Variants in MEF2C observed in about 807,000 individuals in gnomAD.
MEF2C encodes the protein myocyte-specific enhancer factor 2C.
In MEF2C, 6 loss-of-function variants were observed where a neutral mutation model predicts 50.5. The ratio of observed to expected loss-of-function variants is 0.12; its 90% CI spans 0.07 to 0.23. The LOEUF (loss-of-function observed/expected upper bound fraction) is 0.23, where lower values mean the gene tolerates loss of function less well. Ranked by LOEUF, MEF2C falls within the 10% of genes least tolerant of loss-of-function variation. MEF2C has a pLI of 1.00. For synonymous variants in MEF2C, 183 were observed against 228.0 expected, an observed-to-expected ratio of 0.80 and a Z score of 1.78; for missense variants, 276 against 605.0, an observed-to-expected ratio of 0.46 and a Z score of 5.70.
chr5:88,889,024 T>C (rs548489865), intron 1 of MEF2C: 9 of 152,342 alleles, frequency 5.9e-5, no homozygotes, highest in African/African-American at 1.7e-4. Context: ...ACTATGTGTG[T>C]GCTTTTTCAT....
intron 1 of MEF2C, among the ~76,000 whole-genome samples, chr5:88,879,380 TATTA>T (rs937928144): frequency 1.3e-4 from 13 of 103,506 alleles, no homozygotes; most frequent in Admixed American, 7.7e-4. Context: ...GAAATATATA[TATTA>T]TATATATATA....
chr5:88,862,262 T>C lies in MEF2C; in HGVS notation c.-143+20693A>G, dbSNP rs77741179. The stretch of plus-strand genomic sequence containing the variant: ...TTCTATAGAATTTGTGGAACTAGTA[T>C]TTTTATTTTCCTGTCATGTCTTGCC... On this transcript the variant is annotated intron_variant, in intron 1 of 10. Coordinates refer to ENST00000504921, the MANE Select transcript of MEF2C (RefSeq NM_002397.5). 3.0e-3 allele frequency among the ~76,000 whole-genome samples: 454 copies of C among 152,320 alleles called. 15 individuals carry two copies. In the East Asian group the frequency reaches 0.083, roughly 28 times the overall value.
intron 6 of MEF2C, chr5:88,736,563 C>T: frequency 1.1e-6 from 1 of 937,952 alleles, no homozygotes. Flanking sequence ...CCTCTGGTCT[C>T]TACTTGAGGG....
intron 3 of MEF2C, among the ~76,000 whole-genome samples, chr5:88,778,523 AAATGTATGCTTTTATGGAG>A (rs1786060397): frequency 6.6e-6 from 1 of 152,142 alleles, no homozygotes; most frequent in African/African-American, 2.4e-5. Context: ...GAAAAGAGAA[AAATGTATGCTTTTATGGAG>A]AAACTATTGT....
chr5:88,859,431 AGGCTTTTTATT>A (rs1163451588), intron 1 of MEF2C, among the ~76,000 whole-genome samples: 2 of 152,244 alleles, frequency 1.3e-5, no homozygotes, highest in African/African-American at 4.8e-5. Context: ...AGCACAGATT[AGGCTTTTTATT>A]TCCTGTGTTA....
At chr5:88,738,178 G>C (rs568783213) in intron 6 of MEF2C, 241 of 985,128 alleles carry the variant, frequency 2.4e-4, no homozygotes, top group Non-Finnish European at 2.8e-4. Flanking sequence ...TTTCTCAATA[G>C]AAGTATTTCC....
At chr5:88,739,207 A>G in intron 6 of MEF2C, 1 of 978,430 alleles carries the variant, frequency 1.0e-6, no homozygotes, top group Non-Finnish European at 1.2e-6. Flanking sequence ...TTTGTTTAGT[A>G]ATTTGTTAAT....
intron 3 of MEF2C, among the ~76,000 whole-genome samples, chr5:88,781,150 CA>C (rs1339172904): frequency 6.6e-6 from 1 of 152,066 alleles, no homozygotes; most frequent in Non-Finnish European, 1.5e-5. Flanking sequence ...AGAATTTCAT[CA>C]CGTTATTACA....
intron 6 of MEF2C, chr5:88,739,418 GCTCA>G (rs752324104): frequency 7.1e-5 from 68 of 958,650 alleles, no homozygotes; most frequent in South Asian, 1.4e-4. Context: ...ACATAATAAT[GCTCA>G]CTATCATCAA....
intron 1 of MEF2C, among the ~76,000 whole-genome samples, chr5:88,853,746 C>T (rs1822247655): frequency 6.6e-6 from 1 of 152,188 alleles, no homozygotes. Flanking sequence ...TTCCAATGTA[C>T]TTGAATCTTC....
intron 7 of MEF2C, chr5:88,731,462 C>T (rs1761559450): frequency 3.0e-6 from 1 of 331,662 alleles, no homozygotes; most frequent in Non-Finnish European, 5.6e-6. Flanking sequence ...AAATTGAAAG[C>T]CTTAAAAGAA....
intron 3 of MEF2C, among the ~76,000 whole-genome samples, chr5:88,795,612 C>G (rs1406997432): frequency 1.3e-5 from 2 of 152,126 alleles, no homozygotes; most frequent in Non-Finnish European, 2.9e-5. Context: ...TTCTTCTTTT[C>G]CTATTTAAAT....
intron 1 of MEF2C, among the ~76,000 whole-genome samples, chr5:88,829,126 CA>C (rs1812047604): frequency 1.3e-5 from 2 of 152,130 alleles, no homozygotes; most frequent in Admixed American, 6.6e-5. Flanking sequence ...CTTCAAGTCT[CA>C]GTAACATAGT....
intron 2 of MEF2C, among the ~76,000 whole-genome samples, chr5:88,814,283 G>A (rs1444299937): frequency 7.2e-5 from 11 of 151,784 alleles, no homozygotes; most frequent in Admixed American, 7.2e-4. Context: ...CTTTAGGCCC[G>A]ATGATTACTC....
chr5:88,815,485 A>T (rs1204934029), intron 2 of MEF2C, among the ~76,000 whole-genome samples: 1 of 152,086 alleles, frequency 6.6e-6, no homozygotes, highest in Non-Finnish European at 1.5e-5. Flanking sequence ...TTAAAAGTCA[A>T]ATTTCCAAAC....
At chr5:88,742,193 T>C in intron 6 of MEF2C, 1 of 985,384 alleles carries the variant, frequency 1.0e-6, no homozygotes, top group Non-Finnish European at 1.2e-6. Flanking sequence ...CCCTTCAGCA[T>C]CTGCTCTCTA....
chr5:88,792,734 T>G (rs1291618701), intron 3 of MEF2C, among the ~76,000 whole-genome samples: 1 of 152,178 alleles, frequency 6.6e-6, no homozygotes, highest in Admixed American at 6.5e-5. Flanking sequence ...TAATTTTAAT[T>G]CATTTAAATG....
At chr5:88,900,774 A>C (rs1835576433) in intron 1 of MEF2C, among the ~76,000 whole-genome samples, 1 of 151,952 alleles carries the variant, frequency 6.6e-6, no homozygotes, top group African/African-American at 2.4e-5. Context: ...TTAAAGTCTA[A>C]TTAGAAAAAA....
chr5:88,834,792 C>T (rs1314477804), intron 1 of MEF2C, among the ~76,000 whole-genome samples: 1 of 152,022 alleles, frequency 6.6e-6, no homozygotes, highest in Admixed American at 6.6e-5. Context: ...TTTTCTAAAC[C>T]CCAGTCTCTT....
Sources: gnomAD v4.1 joint callset for allele counts (sites outside exome capture counted in the v4.1 genomes callset) on GRCh38, gnomAD v4.1.1 for gene constraint, MANE v1.5 for transcripts, NCBI Gene and HGNC (gene_info 2026-07-23, HGNC 2026-07-21) for gene names.